The following RDH10 variants were observed in gnomAD, a reference collection of about 807,000 sequenced individuals.
RDH10 encodes the protein retinol dehydrogenase 10.
A neutral mutation model predicts 30.2 loss-of-function variants in RDH10; 12 were observed. That is an observed-to-expected ratio of 0.40 (90% CI 0.25 to 0.64). The LOEUF is 0.64. RDH10 is among the 30% of genes least tolerant of loss of function. RDH10 has a pLI of 0.43. For missense variants in RDH10, 268 were observed against 445.2 expected (o/e 0.60, Z 3.58); for synonymous variants, 189 against 172.2 (o/e 1.10, Z -0.76).
At chr8:73,317,160 C>T (rs1406151935) in intron 2 of RDH10, among the ~76,000 whole-genome samples, 3 of 152,158 alleles carry the variant, frequency 2.0e-5, no homozygotes, top group African/African-American at 7.2e-5. Flanking sequence ...CACTATAAAA[C>T]ACATAATCGC....
At position 73,297,242 on chromosome 8, in the gene RDH10, T is replaced by A. The variant is rs761056077; in HGVS notation, c.338T>A (p.Phe113Tyr). The A allele has an allele frequency of 6.2e-7, 1 of 1,614,090 alleles. No individual in the cohort carries two copies. The highest frequency in any genetic ancestry group is 8.5e-7 in the Non-Finnish European group (1 of 1,179,904). The change falls in exon 2 of 6, where the codon TTT becomes TAT. Residue 113 changes from phenylalanine (F) to tyrosine (Y), a missense_variant. Coordinates refer to ENST00000240285, the MANE Select transcript of RDH10 (RefSeq NM_172037.5). ...CTGCCCCACTGTAACTTGCAGGTTT[T>A]TACCTACACCTGTGACGTGGGGAAG... Reference protein sequence around the residue: ...EILPHCNLQVFTYTCDVGKRE... With the variant: ...EILPHCNLQVYTYTCDVGKRE...
intron 2 of RDH10, among the ~76,000 whole-genome samples, chr8:73,316,826 G>A (rs73330930): frequency 7.3e-4 from 111 of 152,182 alleles, no homozygotes; most frequent in African/African-American, 2.6e-3. Flanking sequence ...AGGGGGTGGG[G>A]GCTGCACACG....
intron 1 of RDH10, among the ~76,000 whole-genome samples, chr8:73,296,398 T>A (rs1021665978): frequency 2.0e-5 from 3 of 152,222 alleles, no homozygotes; most frequent in African/African-American, 7.2e-5. Flanking sequence ...CTCCCCTGTA[T>A]TGATAATTTA....
At chr8:73,308,486 T>A (rs1814501295) in intron 2 of RDH10, among the ~76,000 whole-genome samples, 1 of 152,202 alleles carries the variant, frequency 6.6e-6, no homozygotes, top group South Asian at 2.1e-4. Flanking sequence ...TTGTCCAAGG[T>A]AAAGTTGGAA....
intron 2 of RDH10, among the ~76,000 whole-genome samples, chr8:73,304,061 C>T (rs1302028599): frequency 6.6e-6 from 1 of 152,198 alleles, no homozygotes; most frequent in Non-Finnish European, 1.5e-5. Flanking sequence ...CTTCATCTTT[C>T]TACAGAATGT....
chr8:73,310,206 A>C (rs1814539535), intron 2 of RDH10, among the ~76,000 whole-genome samples: 9 of 152,216 alleles, frequency 5.9e-5, no homozygotes, highest in Admixed American at 5.9e-4. Flanking sequence ...GTTTTTTAAC[A>C]ATGCCTATCC....
chr8:73,322,867 A>G (rs547320578), intron 5 of RDH10, 46 bp from the exon 6 acceptor site: 1 of 1,613,884 alleles, frequency 6.2e-7, no homozygotes, highest in South Asian at 1.1e-5. Flanking sequence ...CCGATGTCTT[A>G]ATTGAAACTT....
At position 73,324,435 on chromosome 8, in the gene RDH10, TG is replaced by T. The variant is rs1814831594; in HGVS notation, c.*1400del. 1 of 152,664 alleles carries T rather than the reference TG, an allele frequency of 6.6e-6. No homozygotes were observed. The highest frequency in any genetic ancestry group is 1.5e-5 in the Non-Finnish European group (1 of 68,040). 9.5% of individuals were successfully genotyped at this position (152,664 alleles called of 1,614,324 possible). ...ACTTGTAAATGACTATAAACTATTA[TG>T]TGATTGCTTTTTTTTTTAGAATGTC... On this transcript the variant is annotated 3_prime_UTR_variant, in exon 6 of 6. Coordinates refer to ENST00000240285, the MANE Select transcript of RDH10 (RefSeq NM_172037.5).
intron 1 of RDH10, chr8:73,295,783 T>A: frequency 1.0e-6 from 1 of 992,976 alleles, no homozygotes; most frequent in Non-Finnish European, 1.3e-6. Flanking sequence ...AGGTGCCCTG[T>A]CCTCGCGGAG....
intron 2 of RDH10, among the ~76,000 whole-genome samples, chr8:73,304,768 G>GA (rs931677188): frequency 1.3e-4 from 20 of 152,108 alleles, no homozygotes; most frequent in African/African-American, 4.8e-4. Context: ...GAATAGTTCA[G>GA]AAAAAAATCC....
chr8:73,317,236 T>A (rs1255223787), intron 2 of RDH10, among the ~76,000 whole-genome samples: 1 of 152,184 alleles, frequency 6.6e-6, no homozygotes, highest in Non-Finnish European at 1.5e-5. Flanking sequence ...TGGCCTAGAA[T>A]AATATTAGAT....
chr8:73,318,240 G>A (rs1002485636), intron 2 of RDH10, among the ~76,000 whole-genome samples: 4 of 151,578 alleles, frequency 2.6e-5, no homozygotes, highest in Non-Finnish European at 5.9e-5. Flanking sequence ...TTTTGATACA[G>A]CCTTGCATTT....
Position 73,319,131 on chromosome 8 carries a change from T to C in RDH10, c.561T>C (p.Ile187=). 6.2e-7 allele frequency: 1 copy of C among 1,613,782 alleles called. No individual in the cohort carries two copies. The highest frequency in any genetic ancestry group is 8.5e-7 in the Non-Finnish European group (1 of 1,179,722). Residue 187 remains isoleucine (I), a synonymous_variant, in exon 3 of 6, where the codon ATT becomes ATC. Coordinates refer to ENST00000240285, the MANE Select transcript of RDH10 (RefSeq NM_172037.5). ...CTTTTCTTCCTACGATGCTGGAGATTAATCATGGTCATATTGTGACAGTTG... is the reference window on the plus strand; with the variant it reads ...CTTTTCTTCCTACGATGCTGGAGATCAATCATGGTCATATTGTGACAGTTG... ...TKAFLPTMLE[I]NHGHIVTVAS...
intron 1 of RDH10, 82 bp from the exon 2 acceptor site, chr8:73,297,112 T>G: frequency 1.3e-6 from 1 of 797,098 alleles, no homozygotes; most frequent in Non-Finnish European, 2.2e-6. Flanking sequence ...GTGATCTTTG[T>G]CCTACTGATC....
intron 2 of RDH10, among the ~76,000 whole-genome samples, chr8:73,318,171 T>G (rs936029261): frequency 1.3e-5 from 2 of 152,134 alleles, no homozygotes; most frequent in Non-Finnish European, 2.9e-5. Flanking sequence ...ATAAAACTGT[T>G]GGGAGCCTGG....
rs2130386008 is a variant in RDH10, at chr8:73,324,109, C to G, written c.*1073C>G. Reference sequence around the variant, plus strand: ...TTCATTTCTTTGGATGGACTCTTATCTAGAATACATAGCAGCTCTGCAAAG... The same window carrying G: ...TTCATTTCTTTGGATGGACTCTTATGTAGAATACATAGCAGCTCTGCAAAG... On this transcript the variant is annotated 3_prime_UTR_variant, in exon 6 of 6. Transcript: ENST00000240285. The G allele has an allele frequency of 6.5e-6, 1 of 152,742 alleles. No homozygotes were observed. The highest frequency in any genetic ancestry group is 2.4e-5 in the African/African-American group (1 of 41,562). 9.5% of individuals were successfully genotyped at this position (152,742 alleles called of 1,614,324 possible).
chr8:73,302,172 C>T (rs1204417114), intron 2 of RDH10, among the ~76,000 whole-genome samples: 1 of 152,202 alleles, frequency 6.6e-6, no homozygotes, highest in Admixed American at 6.5e-5. Flanking sequence ...CTTCATCTTC[C>T]AATGTTGTTC....
intron 4 of RDH10, chr8:73,322,450 A>G: frequency 2.1e-6 from 1 of 467,252 alleles, no homozygotes; most frequent in Non-Finnish European, 3.8e-6. Context: ...CATCTTATGG[A>G]AAAGCAGACC....
At chr8:73,313,593 A>G (rs1272155745) in intron 2 of RDH10, among the ~76,000 whole-genome samples, 1 of 152,212 alleles carries the variant, frequency 6.6e-6, no homozygotes, top group Non-Finnish European at 1.5e-5. Context: ...TCAGTTATTA[A>G]AAGTTTTCTC....
Sources: gnomAD v4.1 joint callset for allele counts (sites outside exome capture counted in the v4.1 genomes callset) on GRCh38, gnomAD v4.1.1 for gene constraint, MANE v1.5 for transcripts, NCBI Gene and HGNC (gene_info 2026-07-23, HGNC 2026-07-21) for gene names.